The following PKHD1L1 variants were observed in gnomAD, a reference collection of about 807,000 sequenced individuals.
PKHD1L1 encodes PKHD1 like 1, also known as fibrocystin-L.
A neutral mutation model predicts 462.9 loss-of-function variants in PKHD1L1; 434 were observed. The ratio of observed to expected loss-of-function variants is 0.94; its 90% CI spans 0.87 to 1.02. The LOEUF is 1.02. PKHD1L1 is among the 50% of genes least tolerant of loss of function. The pLI, the probability that PKHD1L1 is intolerant of heterozygous loss-of-function variation, is 0.00. For synonymous variants in PKHD1L1, 1,781 were observed against 1,750.0 expected (o/e 1.02, Z -0.44); for missense variants, 5,202 against 5,096.1 (o/e 1.02, Z -0.63).
chr8:109,483,902 T>G (rs1048353484), intron 57 of PKHD1L1, among the ~76,000 whole-genome samples: 8 of 151,824 alleles, frequency 5.3e-5, no homozygotes, highest in African/African-American at 1.7e-4. Flanking sequence ...TCATCTCTAC[T>G]GTGCTCATAA....
chr8:109,376,438 T>C lies in PKHD1L1; in HGVS notation c.164-4932T>C, dbSNP rs373518762. On this transcript the variant is annotated intron_variant, in intron 2 of 77. Coordinates refer to ENST00000378402, the MANE Select transcript of PKHD1L1 (RefSeq NM_177531.6). ...CTAGGAAAGGGAATTCCCTGACCTC[T>C]TGTGCTTCCCGGGTGAGGTGATGCC... is the stretch of plus-strand genomic sequence containing the variant. Among the ~76,000 whole-genome samples, 3 of 152,340 alleles carry C rather than the reference T, an allele frequency of 2.0e-5. No homozygotes were observed. In the East Asian group the frequency reaches 5.8e-4, roughly 29 times the overall value.
At chr8:109,423,135 A>C (rs978025294) in intron 23 of PKHD1L1, among the ~76,000 whole-genome samples, 1 of 152,122 alleles carries the variant, frequency 6.6e-6, no homozygotes, top group Non-Finnish European at 1.5e-5. Context: ...CAAAGTTTTA[A>C]AAATTTTATG....
chr8:109,479,479 G>T (rs1818162932), intron 53 of PKHD1L1, 72 bp from the exon 54 acceptor site: 2 of 1,038,070 alleles, frequency 1.9e-6, no homozygotes, highest in East Asian at 2.6e-5. Context: ...AAATGGAACG[G>T]TTTACATTTT....
Position 109,401,475 on chromosome 8 carries a change from GTC to G in PKHD1L1, c.1282-18_1282-17del. ...TATTAATAAATTCTCCCTTTTCTCT[GTC>G]TCTGTCTCTCTCGGATTAGGTGAGG... On this transcript the variant is annotated intron_variant, in intron 13 of 77. Transcript: ENST00000378402. The G allele has an allele frequency of 7.6e-7, 1 of 1,322,372 alleles. No individual in the cohort carries two copies. The highest frequency in any genetic ancestry group is 1.1e-6 in the Non-Finnish European group (1 of 925,166). The allele number at this position is 1,322,372 out of a possible 1,614,324, so 81.9% of individuals were successfully genotyped here.
chr8:109,499,684 T>C (rs1435091192), intron 67 of PKHD1L1, among the ~76,000 whole-genome samples: 12 of 152,338 alleles, frequency 7.9e-5, no homozygotes, highest in Admixed American at 7.8e-4. Context: ...TCTTTTAAAA[T>C]AACATATAAA....
At chr8:109,406,663 T>A (rs749753701) in intron 17 of PKHD1L1, among the ~76,000 whole-genome samples, 185 bp downstream of exon 17, 2 of 152,200 alleles carry the variant, frequency 1.3e-5, no homozygotes, top group Non-Finnish European at 2.9e-5. Context: ...CTCTAATGCA[T>A]GAGAAATGCA....
chr8:109,491,788 A>G, intron 61 of PKHD1L1, 85 bp from the exon 62 acceptor site: 1 of 1,231,868 alleles, frequency 8.1e-7, no homozygotes, highest in South Asian at 1.9e-5. Context: ...TTATGGAAAA[A>G]TCAAAAGACA....
At chr8:109,409,781 C>T (rs1329099086) in intron 18 of PKHD1L1, 84 bp from the exon 19 acceptor site, 2 of 601,172 alleles carry the variant, frequency 3.3e-6, no homozygotes. Flanking sequence ...CCTATTAAAA[C>T]TAATTAGTAG....
At chr8:109,420,495 A>G (rs748426018) in intron 22 of PKHD1L1, 23 bp from the exon 23 acceptor site, 223 of 1,459,370 alleles carry the variant, frequency 1.5e-4, no homozygotes, top group Non-Finnish European at 2.0e-4. Context: ...CACCAACCTA[A>G]TATTTTTATT....
chr8:109,488,458 A>G (rs1053011904), intron 59 of PKHD1L1, among the ~76,000 whole-genome samples: 1 of 151,970 alleles, frequency 6.6e-6, no homozygotes, highest in Non-Finnish European at 1.5e-5. Flanking sequence ...TGATACGGCA[A>G]GCACATATTG....
Position 109,535,239 on chromosome 8 carries a change from G to A in PKHD1L1, c.*5149G>A, listed in dbSNP as rs1218915930. ...AATTCCTTTTGTGCAAGATATTTAT[G>A]ACTGTGCCTGGCTACATGGCAATAG... On this transcript the variant is annotated 3_prime_UTR_variant, in exon 78 of 78. Coordinates refer to ENST00000378402, the MANE Select transcript of PKHD1L1 (RefSeq NM_177531.6). 6.6e-6 allele frequency among the ~76,000 whole-genome samples: 1 copy of A among 151,942 alleles called. No individual in the cohort carries two copies. The highest frequency in any genetic ancestry group is 2.4e-5 in the African/African-American group (1 of 41,370).
intron 61 of PKHD1L1, 113 bp from the exon 62 acceptor site, chr8:109,491,760 C>T (rs915221925): frequency 1.2e-5 from 13 of 1,054,306 alleles, no homozygotes; most frequent in Non-Finnish European, 1.6e-5. Flanking sequence ...TTGTCAGGCT[C>T]AAAGTAGAAA....
At chr8:109,443,956 A>T in intron 37 of PKHD1L1, 54 bp downstream of exon 37, 1 of 1,406,164 alleles carries the variant, frequency 7.1e-7, no homozygotes, top group South Asian at 1.3e-5. Context: ...CAATAAAAGT[A>T]TTTTGACGAT....
chr8:109,385,822 T>A (rs1368722238), intron 6 of PKHD1L1, among the ~76,000 whole-genome samples, 192 bp downstream of exon 6: 1 of 152,074 alleles, frequency 6.6e-6, no homozygotes, highest in Non-Finnish European at 1.5e-5. Flanking sequence ...ATGGTCGATA[T>A]GTCATTCTTT....
intron 6 of PKHD1L1, among the ~76,000 whole-genome samples, chr8:109,385,879 A>C (rs901965096): frequency 6.6e-6 from 1 of 152,178 alleles, no homozygotes; most frequent in African/African-American, 2.4e-5. Context: ...ATTTATTAAC[A>C]GAAGAAACAC....
Position 109,385,554 on chromosome 8 carries a change from C to T in PKHD1L1, c.493C>T (p.Gln165Ter), listed in dbSNP as rs775468971. The T allele has an allele frequency of 1.3e-6, 2 of 1,599,744 alleles. No individual in the cohort carries two copies. The highest frequency in any genetic ancestry group is 1.1e-5 in the South Asian group (1 of 89,202). Residue 165 changes from glutamine (Q) to a stop codon, truncating the protein, a stop_gained, in exon 6 of 78, where the codon CAA (glutamine) becomes TAA (stop). Coordinates refer to ENST00000378402, the MANE Select transcript of PKHD1L1 (RefSeq NM_177531.6). LOFTEE classifies it high-confidence loss of function. The stretch of plus-strand genomic sequence containing the variant: ...GTTTTCAGGTACACTAATAACAATC[C>T]AAGGCAGAATCTTCACTGATGTCTA... ...SGTPGTLITI[Q>*]GRIFTDVYGS...
At chr8:109,383,205 T>A (rs1225082882) in intron 4 of PKHD1L1, among the ~76,000 whole-genome samples, 1 of 103,590 alleles carries the variant, frequency 9.7e-6, no homozygotes, top group African/African-American at 3.9e-5. Context: ...TAATTATATA[T>A]TATATAATAT....
At chr8:109,515,664 A>C (rs1455145180) in intron 72 of PKHD1L1, among the ~76,000 whole-genome samples, 1 of 152,150 alleles carries the variant, frequency 6.6e-6, no homozygotes, top group African/African-American at 2.4e-5. Flanking sequence ...CTTCTATTTC[A>C]TAGAAGTTAG....
chr8:109,492,792 T>C (rs545238413), intron 62 of PKHD1L1, among the ~76,000 whole-genome samples: 1 of 151,914 alleles, frequency 6.6e-6, no homozygotes, highest in East Asian at 1.9e-4. Context: ...TAAGTGTGTT[T>C]GATATGATCA....
Sources: gnomAD v4.1 joint callset for allele counts (sites outside exome capture counted in the v4.1 genomes callset) on GRCh38, gnomAD v4.1.1 for gene constraint, MANE v1.5 for transcripts, NCBI Gene and HGNC (gene_info 2026-07-23, HGNC 2026-07-21) for gene names.